The following KIFAP3 variants were observed in gnomAD, a reference collection of about 807,000 sequenced individuals.
KIFAP3 encodes kinesin associated protein 3.
A neutral mutation model predicts 106.5 loss-of-function variants in KIFAP3; 68 were observed. The ratio of observed to expected loss-of-function variants is 0.64; its 90% CI spans 0.53 to 0.78. KIFAP3 has a LOEUF of 0.78. Among genes scored for constraint, KIFAP3 ranks in the 30% least tolerant of loss-of-function variants. KIFAP3 has a pLI of 0.00. For synonymous variants in KIFAP3, 320 were observed against 311.5 expected (o/e 1.03, Z -0.29); for missense variants, 780 against 941.8 (o/e 0.83, Z 2.25).
intron 6 of KIFAP3, 22 bp from the exon 7 acceptor site, chr1:170,034,518 A>G (rs1321540176): frequency 9.3e-6 from 12 of 1,289,618 alleles, no homozygotes; most frequent in Non-Finnish European, 1.2e-5. Flanking sequence ...ACATTTTAAT[A>G]TATATTTAAA....
At chr1:170,047,015 T>C in intron 2 of KIFAP3, 149 bp from the exon 3 acceptor site, 2 of 416,114 alleles carry the variant, frequency 4.8e-6, no homozygotes, top group Non-Finnish European at 8.0e-6. Flanking sequence ...ATAATTAGGC[T>C]TAGAAAAATA....
intron 4 of KIFAP3, 23 bp from the exon 5 acceptor site, chr1:170,038,454 A>AC: frequency 6.2e-7 from 1 of 1,603,548 alleles, no homozygotes; most frequent in African/African-American, 1.3e-5. Context: ...GGCAGAAAGT[A>AC]CTCATCAACA....
At chr1:170,035,096 T>C (rs1385098221) in intron 6 of KIFAP3, among the ~76,000 whole-genome samples, 1 of 151,992 alleles carries the variant, frequency 6.6e-6, no homozygotes, top group Non-Finnish European at 1.5e-5. Flanking sequence ...TGTTTGTACA[T>C]ACATGCATAT....
chr1:170,053,657 T>C (rs10919288), intron 2 of KIFAP3, among the ~76,000 whole-genome samples: 2,708 of 151,918 alleles, frequency 0.018, 85 homozygotes, highest in African/African-American at 0.062. Context: ...TAAAGACCAA[T>C]GGAACAGAAC....
Position 169,961,081 on chromosome 1 carries a change from T to A in KIFAP3, c.2138A>T (p.Asp713Val). 1 of 1,612,900 alleles carries A rather than the reference T, an allele frequency of 6.2e-7. No homozygotes were observed. The highest frequency in any genetic ancestry group is 2.2e-5 in the East Asian group (1 of 44,824). ...DRIEPYIHEGDILERPDLFYN... is the reference protein window; with the variant it reads ...DRIEPYIHEGVILERPDLFYN... Reference sequence around the variant, plus strand: ...GAAAAGGTCAGGTCTTTCGAGAATATCTCCTTCATGAATGTATGGCTCAAT... The same window carrying A: ...GAAAAGGTCAGGTCTTTCGAGAATAACTCCTTCATGAATGTATGGCTCAAT... Residue 713 changes from aspartate (D) to valine (V), a missense_variant, in exon 18 of 20, where the codon GAT (aspartate) becomes GTT (valine). Asp to Val is a radical substitution (Grantham distance 152). Coordinates refer to ENST00000361580, the MANE Select transcript of KIFAP3 (RefSeq NM_014970.4).
chr1:169,960,593 A>C (rs560094765), intron 18 of KIFAP3, among the ~76,000 whole-genome samples: 2 of 152,172 alleles, frequency 1.3e-5, no homozygotes, highest in African/African-American at 4.8e-5. Flanking sequence ...AATCGTCCCC[A>C]AAGTTACCAT....
intron 19 of KIFAP3, among the ~76,000 whole-genome samples, chr1:169,941,113 T>A (rs1251201473): frequency 1.3e-5 from 2 of 152,200 alleles, no homozygotes; most frequent in Non-Finnish European, 2.9e-5. Context: ...TCTGTTTTCA[T>A]CTTCATCTTT....
At chr1:169,943,096 T>C (rs1345675214) in intron 19 of KIFAP3, among the ~76,000 whole-genome samples, 4 of 152,156 alleles carry the variant, frequency 2.6e-5, no homozygotes, top group African/African-American at 9.7e-5. Flanking sequence ...TAATAATTCA[T>C]CTACAATCTG....
chr1:169,974,816 TCTTTAA>T (rs1303780813), intron 16 of KIFAP3, among the ~76,000 whole-genome samples: 36 of 151,974 alleles, frequency 2.4e-4, no homozygotes, highest in Non-Finnish European at 4.7e-4. Flanking sequence ...ATTAGAAAAA[TCTTTAA>T]AATTCTCAAG....
chr1:169,993,663 G>T (rs1482539709), intron 10 of KIFAP3, among the ~76,000 whole-genome samples: 2 of 123,370 alleles, frequency 1.6e-5, no homozygotes, highest in Admixed American at 8.1e-5. Context: ...GAGGCTTGCA[G>T]TGAGCCCAGA....
chr1:169,945,892 G>A (rs764495685), intron 19 of KIFAP3, among the ~76,000 whole-genome samples: 1 of 152,118 alleles, frequency 6.6e-6, no homozygotes, highest in Non-Finnish European at 1.5e-5. Flanking sequence ...TGCCCTTAAA[G>A]GTTATAGGCC....
At chr1:169,993,122 T>TA (rs1667182546) in intron 10 of KIFAP3, among the ~76,000 whole-genome samples, 1 of 150,582 alleles carries the variant, frequency 6.6e-6, no homozygotes, top group Non-Finnish European at 1.5e-5. Context: ...TTTTTTTTTT[T>TA]TCAGAGACAG....
At chr1:170,077,983 G>A (rs903509109), upstream of KIFAP3, among the ~76,000 whole-genome samples, 1 of 151,704 alleles carries the variant, frequency 6.6e-6, no homozygotes, top group Non-Finnish European at 1.5e-5. Context: ...CTAGCTTTTG[G>A]CAACTATGAA....
At position 169,973,109 on chromosome 1, in the gene KIFAP3, A is replaced by G. The variant is rs868388771; in HGVS notation, c.1898-511T>C. On this transcript the variant is annotated intron_variant, in intron 16 of 19. Coordinates refer to ENST00000361580, the MANE Select transcript of KIFAP3 (RefSeq NM_014970.4). ...AAATAATTTAAAAAATAGTGTGTAT[A>G]TATATATATATATAAACAACACAAA... Among the ~76,000 whole-genome samples, 294 of 136,088 alleles carry G rather than the reference A, an allele frequency of 2.2e-3. 23 individuals are homozygous for G. Among genetic ancestry groups the G allele is most frequent in the African/African-American group, 7.5e-3 (261 of 34,812 alleles). The allele number at this position is 136,088 out of a possible 152,430, so 89.3% of individuals were successfully genotyped here.
At chr1:169,968,311 A>G (rs1364402936) in intron 17 of KIFAP3, among the ~76,000 whole-genome samples, 1 of 151,880 alleles carries the variant, frequency 6.6e-6, no homozygotes, top group Admixed American at 6.6e-5. Context: ...GCCTATTATC[A>G]GAGCCTGTTC....
At chr1:170,073,261 A>T (rs1671784028) in intron 1 of KIFAP3, among the ~76,000 whole-genome samples, 1 of 152,224 alleles carries the variant, frequency 6.6e-6, no homozygotes. Context: ...TCATTTAAAA[A>T]TTTTTACTGA....
intron 10 of KIFAP3, among the ~76,000 whole-genome samples, chr1:170,008,579 T>C (rs1432631764): frequency 6.6e-6 from 1 of 152,104 alleles, no homozygotes; most frequent in African/African-American, 2.4e-5. Context: ...GATATCATCT[T>C]ATGCCAGTTA....
chr1:170,039,609 C>T (rs12406641), intron 3 of KIFAP3, among the ~76,000 whole-genome samples: 7 of 151,952 alleles, frequency 4.6e-5, no homozygotes, highest in Admixed American at 4.6e-4. Flanking sequence ...CCTCTCTTTC[C>T]CTTCCTAATT....
chr1:169,947,092 T>C (rs1664479678), intron 19 of KIFAP3, among the ~76,000 whole-genome samples: 1 of 151,962 alleles, frequency 6.6e-6, no homozygotes, highest in East Asian at 1.9e-4. Context: ...ATGGTTTTAC[T>C]CAAAAAATTT....
Sources: gnomAD v4.1 joint callset for allele counts (sites outside exome capture counted in the v4.1 genomes callset) on GRCh38, gnomAD v4.1.1 for gene constraint, MANE v1.5 for transcripts, NCBI Gene and HGNC (gene_info 2026-07-23, HGNC 2026-07-21) for gene names.